Variants in NDUFS4 observed in about 807,000 individuals in gnomAD.
NDUFS4 encodes the protein NADH dehydrogenase [ubiquinone] iron-sulfur protein 4, mitochondrial.
In NDUFS4, 28 loss-of-function variants were observed where a neutral mutation model predicts 24.3. The observed-to-expected ratio is 1.15, with a 90% confidence interval of 0.85 to 1.58. The LOEUF (loss-of-function observed/expected upper bound fraction) is 1.58, where lower values mean the gene tolerates loss of function less well. Among genes scored for constraint, NDUFS4 ranks in the 40% most tolerant of loss-of-function variants. The pLI is 0.00. For missense variants in NDUFS4, 223 were observed against 207.9 expected (o/e 1.07, Z -0.45); for synonymous variants, 93 against 69.7 (o/e 1.34, Z -1.67).
chr5:53,606,794 T>C (rs1258890949), intron 2 of NDUFS4, among the ~76,000 whole-genome samples: 1 of 152,230 alleles, frequency 6.6e-6, no homozygotes, highest in Non-Finnish European at 1.5e-5. Context: ...CATTGAGGAT[T>C]ACATTTCAAC....
intron 1 of NDUFS4, among the ~76,000 whole-genome samples, chr5:53,600,366 G>A (rs1750272925): frequency 6.6e-6 from 1 of 151,724 alleles, no homozygotes; most frequent in Non-Finnish European, 1.5e-5. Flanking sequence ...CTGGAGTGCA[G>A]TGGTGCGATC....
intron 1 of NDUFS4, among the ~76,000 whole-genome samples, chr5:53,595,137 C>T (rs1265075951): frequency 2.6e-5 from 4 of 152,062 alleles, no homozygotes; most frequent in African/African-American, 9.7e-5. Context: ...ATGTATATGT[C>T]TGTGCCTGGG....
chr5:53,580,693 C>T (rs10044284), intron 1 of NDUFS4, among the ~76,000 whole-genome samples: 2,328 of 141,914 alleles, frequency 0.016, 79 homozygotes, highest in African/African-American at 0.062. Context: ...TTCGTCCTTC[C>T]TTTCCTTTCC....
intron 4 of NDUFS4, among the ~76,000 whole-genome samples, chr5:53,680,969 G>C (rs1740645800): frequency 6.6e-6 from 1 of 152,030 alleles, no homozygotes; most frequent in African/African-American, 2.4e-5. Flanking sequence ...CAGGGAGGGA[G>C]GTCTCCCCTG....
chr5:53,608,526 A>G (rs1750598194), intron 2 of NDUFS4, among the ~76,000 whole-genome samples: 1 of 152,238 alleles, frequency 6.6e-6, no homozygotes, highest in Non-Finnish European at 1.5e-5. Context: ...AGTTTATGGA[A>G]TAATCTAAAT....
At chr5:53,650,275 A>T (rs1185103397) in intron 3 of NDUFS4, among the ~76,000 whole-genome samples, 1 of 152,228 alleles carries the variant, frequency 6.6e-6, no homozygotes, top group East Asian at 1.9e-4. Context: ...AGTGGTATAG[A>T]GGAGAAAAAG....
intron 3 of NDUFS4, among the ~76,000 whole-genome samples, chr5:53,655,777 G>C (rs1403587539): frequency 6.6e-6 from 1 of 152,068 alleles, no homozygotes; most frequent in Non-Finnish European, 1.5e-5. Context: ...TCATTGGAGT[G>C]GATCTGTTTC....
At chr5:53,576,195 C>T (rs1561336836) in intron 1 of NDUFS4, among the ~76,000 whole-genome samples, 1 of 152,198 alleles carries the variant, frequency 6.6e-6, no homozygotes, top group Non-Finnish European at 1.5e-5. Context: ...GGCTTTGTAG[C>T]CCTTCCATAG....
chr5:53,656,319 A>G (rs1211774117), intron 3 of NDUFS4, among the ~76,000 whole-genome samples: 1 of 151,876 alleles, frequency 6.6e-6, no homozygotes, highest in Non-Finnish European at 1.5e-5. Flanking sequence ...TTCTGCCATT[A>G]CCCAAATTGG....
chr5:53,623,541 A>C (rs960970308), intron 2 of NDUFS4, among the ~76,000 whole-genome samples: 1 of 152,146 alleles, frequency 6.6e-6, no homozygotes, highest in Non-Finnish European at 1.5e-5. Flanking sequence ...CCTTTGATGC[A>C]CAAAAATTTT....
chr5:53,645,939 C>T (rs927560855), intron 2 of NDUFS4, among the ~76,000 whole-genome samples: 1 of 152,106 alleles, frequency 6.6e-6, no homozygotes, highest in African/African-American at 2.4e-5. Flanking sequence ...GGCTCTTCTG[C>T]GAGCAAACAG....
chr5:53,628,317 A>C (rs916507252), intron 2 of NDUFS4, among the ~76,000 whole-genome samples: 6 of 152,180 alleles, frequency 3.9e-5, no homozygotes, highest in Admixed American at 3.3e-4. Context: ...ATCGATGTTC[A>C]TCATGGGTAT....
At chr5:53,654,986 A>G (rs976625610) in intron 3 of NDUFS4, among the ~76,000 whole-genome samples, 3 of 152,238 alleles carry the variant, frequency 2.0e-5, no homozygotes, top group Non-Finnish European at 2.9e-5. Context: ...AATGTTGGAC[A>G]TTATAATTAT....
At chr5:53,617,122 T>C (rs1338380472) in intron 2 of NDUFS4, among the ~76,000 whole-genome samples, 3 of 152,226 alleles carry the variant, frequency 2.0e-5, no homozygotes, top group African/African-American at 7.2e-5. Flanking sequence ...ATAAATTGGC[T>C]GAGGTGCTGT....
At chr5:53,662,469 G>C (rs903742473) in intron 4 of NDUFS4, among the ~76,000 whole-genome samples, 1 of 151,942 alleles carries the variant, frequency 6.6e-6, no homozygotes, top group Non-Finnish European at 1.5e-5. Flanking sequence ...TTTTTGTTGT[G>C]TCTCTGCCAG....
At chr5:53,659,866 A>T (rs1034411591) in intron 4 of NDUFS4, among the ~76,000 whole-genome samples, 3 of 152,076 alleles carry the variant, frequency 2.0e-5, no homozygotes, top group African/African-American at 7.2e-5. Context: ...TACCTGTATG[A>T]CTTTATACTT....
chr5:53,627,908 C>T (rs1486398514), intron 2 of NDUFS4, among the ~76,000 whole-genome samples: 1 of 152,142 alleles, frequency 6.6e-6, no homozygotes, highest in African/African-American at 2.4e-5. Flanking sequence ...ACCAGAGCTT[C>T]CAGTACTATG....
intron 4 of NDUFS4, among the ~76,000 whole-genome samples, chr5:53,675,713 T>A (rs1428551898): frequency 6.6e-6 from 1 of 152,136 alleles, no homozygotes; most frequent in Non-Finnish European, 1.5e-5. Flanking sequence ...CAAACTAGAT[T>A]CTCCATTTTT....
chr5:53,597,198 G>T (rs1012119771), intron 1 of NDUFS4, among the ~76,000 whole-genome samples: 4 of 152,166 alleles, frequency 2.6e-5, no homozygotes, highest in African/African-American at 9.7e-5. Context: ...CTGTGGGACA[G>T]CTTGGTCTTT....
Sources: gnomAD v4.1 joint callset for allele counts (sites outside exome capture counted in the v4.1 genomes callset) on GRCh38, gnomAD v4.1.1 for gene constraint, MANE v1.5 for transcripts, NCBI Gene and HGNC (gene_info 2026-07-23, HGNC 2026-07-21) for gene names.